Variants in LRRC49 observed in about 807,000 individuals in gnomAD.
The protein encoded by LRRC49 is leucine rich repeat containing 49, also known as leucine-rich repeat-containing protein 49.
In LRRC49, 50 loss-of-function variants were observed where a neutral mutation model predicts 83.3. The observed-to-expected ratio is 0.60, with a 90% CI of 0.48 to 0.76. The LOEUF (loss-of-function observed/expected upper bound fraction) is 0.76. Ranked by LOEUF, LRRC49 falls within the 30% of genes least tolerant of loss-of-function variation. The probability of loss-of-function intolerance (pLI) is 0.00; values close to 1 mark genes in which losing one functional copy is unlikely to be tolerated. For synonymous variants in LRRC49, 286 were observed against 283.3 expected, an observed-to-expected ratio of 1.01 and a Z score of -0.10; for missense variants, 704 against 809.1, an observed-to-expected ratio of 0.87 and a Z score of 1.58.
chr15:70,923,150 A>G (rs969395028), intron 7 of LRRC49, among the ~76,000 whole-genome samples: 2 of 151,986 alleles, frequency 1.3e-5, no homozygotes. Context: ...TTTTTGATCC[A>G]TGTGTTATTT....
chr15:70,926,320 C>A (rs576232129), intron 7 of LRRC49, among the ~76,000 whole-genome samples: 1 of 152,070 alleles, frequency 6.6e-6, no homozygotes, highest in Non-Finnish European at 1.5e-5. Context: ...CTCAACTGAT[C>A]CTCCTGCCTC....
chr15:70,926,122 G>A (rs907793044), intron 7 of LRRC49, among the ~76,000 whole-genome samples: 1 of 152,140 alleles, frequency 6.6e-6, no homozygotes, highest in African/African-American at 2.4e-5. Context: ...TTATTGAGCT[G>A]TATTCCATTG....
chr15:71,007,067 C>A (rs780007764), intron 11 of LRRC49, among the ~76,000 whole-genome samples: 1 of 151,788 alleles, frequency 6.6e-6, no homozygotes, highest in Admixed American at 6.6e-5. Context: ...AGAAATCAAG[C>A]CTTTTTGTAT....
chr15:70,871,805 G>A (rs1283051523), intron 1 of LRRC49, among the ~76,000 whole-genome samples: 9 of 151,016 alleles, frequency 6.0e-5, no homozygotes, highest in African/African-American at 9.8e-5. Context: ...ACGGGGCGGG[G>A]GGGTAGAGGC....
Position 70,963,799 on chromosome 15 carries a change from C to T in LRRC49, c.788C>T (p.Ser263Phe). Residue 263 changes from serine to phenylalanine, a missense_variant, in exon 9 of 16, where the codon TCC (serine) becomes TTC (phenylalanine). Coordinates refer to ENST00000260382, the MANE Select transcript of LRRC49 (RefSeq NM_017691.5). Reference protein sequence around the residue: ...FNNISSFDSVSCLADSSSLSD... With the variant: ...FNNISSFDSVFCLADSSSLSD... ...CTCTCCTGCAGTTTTGACAGTGTTTCCTGCCTTGCTGACTCTTCTTCCCTC... is the reference window on the plus strand; with the variant it reads ...CTCTCCTGCAGTTTTGACAGTGTTTTCTGCCTTGCTGACTCTTCTTCCCTC... The T allele has an allele frequency of 6.2e-7, 1 of 1,613,200 alleles. No homozygotes were observed. The highest frequency in any genetic ancestry group is 8.5e-7 in the Non-Finnish European group (1 of 1,179,462).
At chr15:70,979,436 A>G (rs1181150901) in intron 9 of LRRC49, among the ~76,000 whole-genome samples, 1 of 151,792 alleles carries the variant, frequency 6.6e-6, no homozygotes, top group African/African-American at 2.4e-5. Flanking sequence ...TAATATTTCT[A>G]TCACTTCACC....
chr15:70,968,182 C>G (rs553571457), intron 9 of LRRC49, among the ~76,000 whole-genome samples: 3 of 152,178 alleles, frequency 2.0e-5, no homozygotes, highest in South Asian at 4.2e-4. Context: ...GTTCCCCTCC[C>G]TGTGCCCATG....
intron 15 of LRRC49, among the ~76,000 whole-genome samples, chr15:71,042,056 G>GA (rs1308371559): frequency 6.6e-6 from 1 of 152,168 alleles, no homozygotes; most frequent in Non-Finnish European, 1.5e-5. Context: ...AATAAGAAGA[G>GA]AAAATCTTTA....
chr15:70,860,073 G>T (rs1252642868), intron 1 of LRRC49: 1 of 729,966 alleles, frequency 1.4e-6, no homozygotes, highest in Non-Finnish European at 2.5e-6. Flanking sequence ...TCCTTCAGCC[G>T]CACCGGCTCC....
intron 10 of LRRC49, among the ~76,000 whole-genome samples, chr15:70,983,842 AT>A (rs1361592549): frequency 1.3e-5 from 2 of 152,178 alleles, no homozygotes; most frequent in African/African-American, 4.8e-5. Flanking sequence ...TTTTAATAAA[AT>A]TAAGTTCCTA....
At chr15:70,944,633 G>T (rs1419195045) in intron 8 of LRRC49, among the ~76,000 whole-genome samples, 1 of 152,096 alleles carries the variant, frequency 6.6e-6, no homozygotes, top group Admixed American at 6.6e-5. Context: ...TCAAACTCCT[G>T]ACCTCAGATG....
At chr15:70,961,932 T>G (rs2141195675) in intron 8 of LRRC49, among the ~76,000 whole-genome samples, 1 of 152,274 alleles carries the variant, frequency 6.6e-6, no homozygotes, top group South Asian at 2.1e-4. Context: ...CAGAAAGGAA[T>G]GCAGACCGAC....
intron 14 of LRRC49, among the ~76,000 whole-genome samples, chr15:71,031,553 A>C (rs1403541820): frequency 6.6e-6 from 1 of 152,220 alleles, no homozygotes; most frequent in Non-Finnish European, 1.5e-5. Context: ...TGTCAGGATC[A>C]GCTGCTGTCT....
chr15:70,942,144 G>A (rs922860644), intron 8 of LRRC49, among the ~76,000 whole-genome samples: 1 of 151,724 alleles, frequency 6.6e-6, no homozygotes, highest in Non-Finnish European at 1.5e-5. Flanking sequence ...CTGGGAGCAG[G>A]CTGCTTGCAT....
chr15:70,910,355 G>C (rs1282995850), intron 5 of LRRC49, among the ~76,000 whole-genome samples: 2 of 151,982 alleles, frequency 1.3e-5, no homozygotes, highest in Non-Finnish European at 2.9e-5. Context: ...CAGTATGTAT[G>C]TATATACATA....
intron 14 of LRRC49, among the ~76,000 whole-genome samples, chr15:71,035,278 T>C (rs1315805469): frequency 6.6e-6 from 1 of 152,212 alleles, no homozygotes; most frequent in Non-Finnish European, 1.5e-5. Context: ...CTTAATTTTT[T>C]ACAAAAATTT....
At chr15:70,944,827 GAC>G (rs891745698) in intron 8 of LRRC49, among the ~76,000 whole-genome samples, 4 of 152,156 alleles carry the variant, frequency 2.6e-5, no homozygotes, top group African/African-American at 9.7e-5. Flanking sequence ...ATTGTTTCTT[GAC>G]ACAGAGTCGC....
chr15:71,023,701 C>G (rs994138286), intron 14 of LRRC49, among the ~76,000 whole-genome samples: 10 of 152,214 alleles, frequency 6.6e-5, no homozygotes, highest in Non-Finnish European at 1.0e-4. Context: ...CTGTGCAACC[C>G]ACAGATCAGG....
At chr15:71,023,117 A>T (rs2039044359) in intron 14 of LRRC49, among the ~76,000 whole-genome samples, 2 of 152,220 alleles carry the variant, frequency 1.3e-5, no homozygotes, top group South Asian at 4.1e-4. Context: ...TAATAAAAAT[A>T]CCCATTTCAA....
Sources: allele counts gnomAD v4.1 joint callset (sites outside exome capture counted in the v4.1 genomes callset), GRCh38; gene constraint gnomAD v4.1.1; transcripts MANE v1.5; gene names NCBI Gene and HGNC (gene_info 2026-07-23, HGNC 2026-07-21).